CTNND1: variants seen among roughly 807,000 people sequenced by gnomAD.
The protein encoded by CTNND1 is catenin delta 1, also known as catenin delta-1.
A neutral mutation model predicts 112.1 loss-of-function variants in CTNND1; 16 were observed. The ratio of observed to expected loss-of-function variants is 0.14; its 90% CI spans 0.10 to 0.22. The LOEUF (loss-of-function observed/expected upper bound fraction) is 0.22, where lower values mean the gene tolerates loss of function less well. CTNND1 is among the 10% of genes least tolerant of loss of function. The pLI, the probability that CTNND1 is intolerant of heterozygous loss-of-function variation, is 1.00. For synonymous variants in CTNND1, 420 were observed against 446.5 expected (o/e 0.94, Z 0.75); for missense variants, 1,008 against 1,257.0 (o/e 0.80, Z 3.00).
At chr11:57,766,675 A>G (rs896186242) in intron 1 of CTNND1, among the ~76,000 whole-genome samples, 5 of 152,214 alleles carry the variant, frequency 3.3e-5, no homozygotes, top group African/African-American at 9.6e-5. Context: ...AGGCAAGAAC[A>G]ACTGTTCTGG....
At chr11:57,762,788 T>G (rs898298112) in intron 1 of CTNND1, among the ~76,000 whole-genome samples, 1 of 152,184 alleles carries the variant, frequency 6.6e-6, no homozygotes, top group Admixed American at 6.5e-5. Context: ...CTAAACTACC[T>G]TTGATAGCAA....
At position 57,806,927 on chromosome 11, in the gene CTNND1, T is replaced by C. The variant is rs1488147238; in HGVS notation, c.1907T>C (p.Ile636Thr). 6.3e-7 allele frequency: 1 copy of C among 1,598,568 alleles called. No homozygotes were observed. Among genetic ancestry groups the C allele is most frequent in the Non-Finnish European group, 8.5e-7 (1 of 1,172,278 alleles). Residue 636 changes from isoleucine (I) to threonine (T), a missense_variant, in exon 12 of 21, where the codon ATA becomes ACA. Physicochemically the swap from Ile to Thr is moderately conservative, Grantham distance 89 (BLOSUM62 -1). Coordinates refer to ENST00000399050, the MANE Select transcript of CTNND1 (RefSeq NM_001085458.2). ...DEWFSRGKKP[I>T]EDPANDTVDF... ...TTCATTTTTGTAGGGAAAAAACCTA[T>C]AGAGGATCCAGCAAACGATACAGTG... is the stretch of plus-strand genomic sequence containing the variant.
Position 57,809,481 on chromosome 11 carries a change from TA to T in CTNND1, c.2435+19del, listed in dbSNP as rs754340534. 1.9e-6 allele frequency: 3 copies of T among 1,593,832 alleles called. No individual in the cohort carries two copies. The East Asian group carries it at 6.7e-5, about 36-fold the overall frequency. On this transcript the variant is annotated intron_variant, in intron 15 of 20. Coordinates refer to ENST00000399050, the MANE Select transcript of CTNND1 (RefSeq NM_001085458.2). Reference sequence around the variant, plus strand: ...AACAAATCAGGGTGAGCTTACCACCTAAAATTACAGTCAAAAGAATTTGAGT... The same window carrying T: ...AACAAATCAGGGTGAGCTTACCACCTAAATTACAGTCAAAAGAATTTGAGT...
At chr11:57,796,327 AG>A in intron 5 of CTNND1, 129 bp from the exon 6 acceptor site, 2 of 811,950 alleles carry the variant, frequency 2.5e-6, no homozygotes, top group Non-Finnish European at 3.7e-6. Flanking sequence ...CAGAGGTTGC[AG>A]GTGAGCCGAG....
chr11:57,787,741 A>AT (rs2060283224), intron 1 of CTNND1, among the ~76,000 whole-genome samples: 1 of 152,206 alleles, frequency 6.6e-6, no homozygotes, highest in Non-Finnish European at 1.5e-5. Flanking sequence ...TTCAGGCAGA[A>AT]TATCTCCCCA....
At chr11:57,768,839 C>A (rs1316813166) in intron 1 of CTNND1, among the ~76,000 whole-genome samples, 1 of 152,122 alleles carries the variant, frequency 6.6e-6, no homozygotes, top group Non-Finnish European at 1.5e-5. Context: ...GTGGGAAATA[C>A]ATATGTGTTA....
chr11:57,777,917 A>G (rs1035427205), intron 1 of CTNND1, among the ~76,000 whole-genome samples: 5 of 152,182 alleles, frequency 3.3e-5, no homozygotes, highest in African/African-American at 1.2e-4. Context: ...CTAATTTCCA[A>G]TGGGTTGTAC....
intron 1 of CTNND1, among the ~76,000 whole-genome samples, chr11:57,787,603 G>A (rs1453215721): frequency 2.0e-5 from 3 of 152,140 alleles, no homozygotes; most frequent in South Asian, 2.1e-4. Flanking sequence ...CGGGGCAAAT[G>A]GATTTGGCAT....
chr11:57,806,091 C>T (rs2062629212), intron 10 of CTNND1, 56 bp downstream of exon 10: 1 of 1,551,386 alleles, frequency 6.4e-7, no homozygotes, highest in Admixed American at 2.0e-5. Flanking sequence ...AAGGAAGGAA[C>T]ACTTTAGCTT....
intron 6 of CTNND1, among the ~76,000 whole-genome samples, chr11:57,797,241 A>G (rs1208643119): frequency 6.8e-6 from 1 of 147,796 alleles, no homozygotes; most frequent in East Asian, 2.0e-4. Context: ...TTTATTTTTT[A>G]TTTTTTTGAG....
intron 6 of CTNND1, among the ~76,000 whole-genome samples, chr11:57,798,330 TAGTG>T (rs922476378): frequency 7.4e-5 from 9 of 121,970 alleles, no homozygotes; most frequent in African/African-American, 2.9e-4. Context: ...CTGGGTGACA[TAGTG>T]AGACTGTCTC....
rs951040166 is a variant in CTNND1, at chr11:57,818,608, T to C, written c.*2300T>C. The C allele has an allele frequency of 2.6e-5, 4 of 152,384 alleles. No individual in the cohort carries two copies. Among genetic ancestry groups the C allele is most frequent in the African/African-American group, 7.2e-5 (3 of 41,438 alleles). The allele number at this position is 152,384 out of a possible 1,614,324, so 9.4% of individuals were successfully genotyped here. ...AGCCCCAACTCTTTATCAAGCAACA[T>C]TCTTGTTAACTATATGTGAAACATT... On this transcript the variant is annotated 3_prime_UTR_variant, in exon 21 of 21. Coordinates refer to ENST00000399050, the MANE Select transcript of CTNND1 (RefSeq NM_001085458.2).
At chr11:57,797,647 A>C (rs2061497857) in intron 6 of CTNND1, among the ~76,000 whole-genome samples, 2 of 147,764 alleles carry the variant, frequency 1.4e-5, no homozygotes, top group Non-Finnish European at 3.0e-5. Flanking sequence ...GTTCAAGACC[A>C]GCCTGACCAA....
chr11:57,810,253 A>G (rs774160644), intron 16 of CTNND1, 30 bp downstream of exon 16: 3 of 1,518,396 alleles, frequency 2.0e-6, no homozygotes, highest in South Asian at 1.2e-5. Flanking sequence ...CAAGACTTTT[A>G]CTTTTTTTTT....
Position 57,808,311 on chromosome 11 carries a change from A to C in CTNND1, c.2091+19A>C. The C allele has an allele frequency of 6.2e-7, 1 of 1,602,144 alleles. No individual in the cohort carries two copies. The highest frequency in any genetic ancestry group is 8.5e-7 in the Non-Finnish European group (1 of 1,170,314). On this transcript the variant is annotated intron_variant, in intron 13 of 20. Coordinates refer to ENST00000399050, the MANE Select transcript of CTNND1 (RefSeq NM_001085458.2). Reference sequence around the variant, plus strand: ...CTGGACGGTACCTTTTAGAAAAGGGATTTGGAGATGGGAAAACTTAGATAA... The same window carrying C: ...CTGGACGGTACCTTTTAGAAAAGGGCTTTGGAGATGGGAAAACTTAGATAA...
chr11:57,770,460 C>T (rs897372773), intron 1 of CTNND1, among the ~76,000 whole-genome samples: 3 of 151,932 alleles, frequency 2.0e-5, no homozygotes, highest in African/African-American at 7.3e-5. Flanking sequence ...TGAGACCATC[C>T]TGGCCAACGT....
At chr11:57,808,069 C>A in intron 12 of CTNND1, 96 bp from the exon 13 acceptor site, 2 of 1,341,780 alleles carry the variant, frequency 1.5e-6, no homozygotes, top group Non-Finnish European at 1.0e-6. Context: ...AGCATAAATC[C>A]ATCAACTGAG....
chr11:57,803,303 T>C (rs2062237774), intron 7 of CTNND1, among the ~76,000 whole-genome samples: 1 of 152,184 alleles, frequency 6.6e-6, no homozygotes, highest in Non-Finnish European at 1.5e-5. Flanking sequence ...TTAGCCAGGA[T>C]GGTCTTGATC....
chr11:57,775,796 C>T (rs1417007898), intron 1 of CTNND1, among the ~76,000 whole-genome samples: 2 of 152,108 alleles, frequency 1.3e-5, no homozygotes. Flanking sequence ...TCGTGTATAG[C>T]CGCTTAAGGT....
Sources: gnomAD v4.1 joint callset for allele counts (sites outside exome capture counted in the v4.1 genomes callset) on GRCh38, gnomAD v4.1.1 for gene constraint, MANE v1.5 for transcripts, NCBI Gene and HGNC (gene_info 2026-07-23, HGNC 2026-07-21) for gene names.